Variants in GLIS3 observed in about 807,000 individuals in gnomAD.
GLIS3 encodes the protein GLIS family zinc finger 3.
Under a neutral mutation model 78.6 loss-of-function variants are expected in GLIS3, and 53 were observed. The observed-to-expected ratio is 0.67, with a 90% CI of 0.54 to 0.85. The LOEUF is 0.85. GLIS3 is among the 40% of genes least tolerant of loss of function. GLIS3 has a pLI of 0.00. For synonymous variants in GLIS3, 684 were observed against 509.9 expected (o/e 1.34, Z -4.60); for missense variants, 1,703 against 1,231.1 (o/e 1.38, Z -5.74).
intron 4 of GLIS3, among the ~76,000 whole-genome samples, chr9:4,032,880 G>A (rs1157742044): frequency 6.6e-6 from 1 of 151,452 alleles, no homozygotes; most frequent in African/African-American, 2.4e-5. Flanking sequence ...CTGAGACAGA[G>A]TCTCGCTCTG....
At chr9:3,860,053 A>C (rs1820082812) in intron 8 of GLIS3, among the ~76,000 whole-genome samples, 1 of 152,062 alleles carries the variant, frequency 6.6e-6, no homozygotes, top group Non-Finnish European at 1.5e-5. Context: ...AGGCGGGTGG[A>C]TCACGACGTC....
At chr9:3,966,011 C>A (rs1275710532) in intron 4 of GLIS3, among the ~76,000 whole-genome samples, 1 of 152,220 alleles carries the variant, frequency 6.6e-6, no homozygotes, top group Non-Finnish European at 1.5e-5. Flanking sequence ...ATTCCAGATG[C>A]AATTCCTAAT....
chr9:4,398,356 C>T, the GLIS3 span, among the ~76,000 whole-genome samples: 1 of 152,012 alleles, frequency 6.6e-6, no homozygotes, highest in African/African-American at 2.4e-5. Flanking sequence ...TCTCAGACTC[C>T]ACCCCGTATC....
intron 2 of GLIS3, among the ~76,000 whole-genome samples, chr9:4,139,758 C>A (rs1180945239): frequency 6.6e-6 from 1 of 152,194 alleles, no homozygotes; most frequent in Non-Finnish European, 1.5e-5. Context: ...GAGCACGCAA[C>A]CTAGATCCCT....
At chr9:3,917,997 G>T (rs1824634394) in intron 6 of GLIS3, among the ~76,000 whole-genome samples, 1 of 152,168 alleles carries the variant, frequency 6.6e-6, no homozygotes, top group Admixed American at 6.5e-5. Flanking sequence ...TTTCAGGTGG[G>T]GGTGGTAAGG....
chr9:4,123,602 T>G, intron 3 of GLIS3: 1 of 362,236 alleles, frequency 2.8e-6, no homozygotes, highest in East Asian at 4.0e-5. Flanking sequence ...GAAGAAGCCA[T>G]TATATGATGT....
At chr9:4,437,420 GTATCTATCTATC>G in the GLIS3 span, among the ~76,000 whole-genome samples, 3,733 of 126,988 alleles carry the variant, frequency 0.029, 82 homozygotes, top group Non-Finnish European at 0.035. Flanking sequence ...ATGTATGTAT[GTATCTATCTATC>G]TATCTATCTA....
chr9:4,203,554 A>G (rs948728483), intron 2 of GLIS3, among the ~76,000 whole-genome samples: 1 of 152,224 alleles, frequency 6.6e-6, no homozygotes, highest in African/African-American at 2.4e-5. Flanking sequence ...AAAGGAAAAA[A>G]ACAGAATTAT....
intron 2 of GLIS3, chr9:4,150,804 C>T (rs773944957): frequency 2.6e-5 from 4 of 152,216 alleles, no homozygotes; most frequent in East Asian, 1.9e-4. Context: ...GACTTTCACC[C>T]GGTCACACAG....
the GLIS3 span, among the ~76,000 whole-genome samples, chr9:4,417,543 C>T: frequency 6.6e-6 from 1 of 152,102 alleles, no homozygotes; most frequent in African/African-American, 2.4e-5. Flanking sequence ...ATAGTTTGTT[C>T]TTGCTGTTTT....
At chr9:4,283,261 G>GTTT (rs369306104) in intron 2 of GLIS3, among the ~76,000 whole-genome samples, 33 of 76,396 alleles carry the variant, frequency 4.3e-4, no homozygotes, top group African/African-American at 2.5e-3. Context: ...CTGTTTTTTT[G>GTTT]TTTTTTTGTT....
intron 4 of GLIS3, among the ~76,000 whole-genome samples, chr9:4,043,251 G>A (rs1391931747): frequency 6.6e-6 from 1 of 151,896 alleles, no homozygotes; most frequent in Non-Finnish European, 1.5e-5. Context: ...GGCCAGAGGT[G>A]GTTCTGTCAG....
the GLIS3 span, among the ~76,000 whole-genome samples, chr9:4,359,042 C>A: frequency 6.6e-6 from 1 of 152,120 alleles, no homozygotes; most frequent in African/African-American, 2.4e-5. Flanking sequence ...CAGAGACTTG[C>A]AAAGTTTCCT....
the GLIS3 span, among the ~76,000 whole-genome samples, chr9:4,358,585 G>T: frequency 6.6e-6 from 1 of 151,820 alleles, no homozygotes; most frequent in Non-Finnish European, 1.5e-5. Flanking sequence ...AGAAAATATT[G>T]GCCTTCGTAA....
rs187615896 is a variant in GLIS3, at chr9:3,856,122, G to A, written c.2360C>T (p.Ser787Leu). The A allele has an allele frequency of 1.2e-5, 20 of 1,614,178 alleles. No homozygotes were observed. The Admixed American group carries it at 2.3e-4, about 19-fold the overall frequency. Reference protein sequence around the residue: ...ISPRRVPAPSSILQRTQPPYT... With the variant: ...ISPRRVPAPSLILQRTQPPYT... ...GGGAGGCTGTGTTCTTTGCAGTATT[G>A]AAGAAGGAGCTGGAACTCTCCGGGG... The change falls in exon 9 of 11, where the codon TCA becomes TTA. Residue 787 changes from serine (S) to leucine (L), a missense_variant. By Grantham distance (145) the Ser-to-Leu change is moderately radical. Transcript: ENST00000381971.
chr9:4,115,028 A>G (rs1401639338), intron 4 of GLIS3, among the ~76,000 whole-genome samples: 1 of 152,206 alleles, frequency 6.6e-6, no homozygotes. Flanking sequence ...GAAATTTGGC[A>G]TGAGGGAGGA....
intron 2 of GLIS3, among the ~76,000 whole-genome samples, chr9:4,228,450 C>T (rs558422349): frequency 1.3e-5 from 2 of 152,150 alleles, no homozygotes; most frequent in Non-Finnish European, 2.9e-5. Flanking sequence ...ATTTCTACCA[C>T]GATAAATCTC....
the GLIS3 span, among the ~76,000 whole-genome samples, chr9:4,365,415 G>A: frequency 1.3e-5 from 2 of 152,044 alleles, no homozygotes; most frequent in African/African-American, 4.8e-5. Context: ...AAATTAGCCT[G>A]GCATGGTGGC....
intron 2 of GLIS3, among the ~76,000 whole-genome samples, chr9:4,203,706 G>A (rs890327490): frequency 1.3e-5 from 2 of 152,172 alleles, no homozygotes; most frequent in Non-Finnish European, 2.9e-5. Flanking sequence ...AATGAACCTA[G>A]GTGCCCCCGT....
Sources: allele counts gnomAD v4.1 joint callset (sites outside exome capture counted in the v4.1 genomes callset), GRCh38; gene constraint gnomAD v4.1.1; transcripts MANE v1.5; gene names NCBI Gene and HGNC (gene_info 2026-07-23, HGNC 2026-07-21).